Variants in SLC12A1 observed in about 807,000 individuals in gnomAD.
SLC12A1 encodes the protein solute carrier family 12 member 1.
A neutral mutation model predicts 130.4 loss-of-function variants in SLC12A1; 89 were observed. The observed-to-expected ratio is 0.68, with a 90% confidence interval of 0.58 to 0.81. The LOEUF (loss-of-function observed/expected upper bound fraction) is 0.81, where lower values mean the gene tolerates loss of function less well. Ranked by LOEUF, SLC12A1 falls within the 40% of genes least tolerant of loss-of-function variation. The probability of loss-of-function intolerance (pLI) is 0.00; values close to 1 mark genes in which losing one functional copy is unlikely to be tolerated. For missense variants in SLC12A1, 1,310 were observed against 1,336.4 expected, an observed-to-expected ratio of 0.98 and a Z score of 0.31; for synonymous variants, 499 against 460.0, an observed-to-expected ratio of 1.08 and a Z score of -1.09.
At chr15:48,212,088 G>C (rs1321964949) in intron 2 of SLC12A1, among the ~76,000 whole-genome samples, 1 of 152,048 alleles carries the variant, frequency 6.6e-6, no homozygotes, top group Non-Finnish European at 1.5e-5. Flanking sequence ...GTTTCTATAA[G>C]TATAAAGTCT....
At chr15:48,260,345 CTA>C (rs1422333045) in intron 17 of SLC12A1, among the ~76,000 whole-genome samples, 1 of 76,734 alleles carries the variant, frequency 1.3e-5, no homozygotes. Flanking sequence ...CTCTCTCTCT[CTA>C]TCACACACAC....
chr15:48,274,759 C>G (rs2041933283), intron 20 of SLC12A1, 106 bp downstream of exon 20: 3 of 677,040 alleles, frequency 4.4e-6, no homozygotes, highest in Non-Finnish European at 7.6e-6. Context: ...AACTCCTTGA[C>G]AGTGGAGCTT....
intron 2 of SLC12A1, among the ~76,000 whole-genome samples, chr15:48,218,255 T>C (rs1245121275): frequency 1.3e-5 from 2 of 152,214 alleles, no homozygotes; most frequent in East Asian, 3.9e-4. Flanking sequence ...ACAATGACTC[T>C]TATGACTCTG....
At chr15:48,255,217 A>G (rs1023032362) in intron 15 of SLC12A1, among the ~76,000 whole-genome samples, 1 of 152,170 alleles carries the variant, frequency 6.6e-6, no homozygotes, top group African/African-American at 2.4e-5. Context: ...AGATGGGTGG[A>G]TCACAAAGTC....
intron 17 of SLC12A1, among the ~76,000 whole-genome samples, chr15:48,265,625 ATCTC>A (rs2041824213): frequency 6.6e-6 from 1 of 152,190 alleles, no homozygotes. Flanking sequence ...TACCCTGCCA[ATCTC>A]TCTATCTTTT....
At chr15:48,213,967 C>T (rs1200569597) in intron 2 of SLC12A1, among the ~76,000 whole-genome samples, 5 of 152,092 alleles carry the variant, frequency 3.3e-5, no homozygotes, top group South Asian at 4.1e-4. Flanking sequence ...CAAAAATGTA[C>T]GAATGTTTTC....
At chr15:48,216,650 A>G (rs1429192412) in intron 2 of SLC12A1, among the ~76,000 whole-genome samples, 1 of 152,232 alleles carries the variant, frequency 6.6e-6, no homozygotes, top group Non-Finnish European at 1.5e-5. Flanking sequence ...TTGATTAACT[A>G]GAATATTGAC....
At chr15:48,209,527 A>C (rs910975983) in intron 2 of SLC12A1, among the ~76,000 whole-genome samples, 9 of 152,242 alleles carry the variant, frequency 5.9e-5, no homozygotes, top group African/African-American at 2.2e-4. Flanking sequence ...ACATATTCAA[A>C]TGAGTTTACT....
At chr15:48,209,131 G>A (rs1241843297) in intron 2 of SLC12A1, among the ~76,000 whole-genome samples, 5 of 152,090 alleles carry the variant, frequency 3.3e-5, no homozygotes, top group Non-Finnish European at 5.9e-5. Context: ...GTGCGATCTC[G>A]GCTCACCGCA....
intron 24 of SLC12A1, among the ~76,000 whole-genome samples, chr15:48,296,179 G>A (rs999757010): frequency 6.6e-6 from 1 of 152,104 alleles, no homozygotes; most frequent in East Asian, 1.9e-4. Context: ...TTGGTTGCCG[G>A]GTGATACACA....
At chr15:48,255,242 A>G (rs971070030) in intron 15 of SLC12A1, among the ~76,000 whole-genome samples, 5 of 152,162 alleles carry the variant, frequency 3.3e-5, no homozygotes, top group Non-Finnish European at 7.4e-5. Context: ...GTTTGAGACC[A>G]GTCTGGCCAA....
intron 2 of SLC12A1, among the ~76,000 whole-genome samples, chr15:48,208,550 G>T (rs2041010419): frequency 6.6e-6 from 1 of 152,020 alleles, no homozygotes; most frequent in Admixed American, 6.6e-5. Flanking sequence ...TGACTTAAAG[G>T]GATCCTCCCA....
intron 18 of SLC12A1, among the ~76,000 whole-genome samples, chr15:48,268,573 G>C (rs149107176): frequency 2.0e-5 from 3 of 152,138 alleles, no homozygotes; most frequent in Non-Finnish European, 4.4e-5. Flanking sequence ...TAATATTTTG[G>C]AGCTTAAGAG....
intron 18 of SLC12A1, 63 bp downstream of exon 18, chr15:48,267,764 G>C: frequency 5.1e-6 from 8 of 1,567,128 alleles, no homozygotes; most frequent in Non-Finnish European, 7.0e-6. Flanking sequence ...ATGTTAATAA[G>C]GCTCCCAAAG....
intron 4 of SLC12A1, chr15:48,223,795 T>C (rs1222096968): frequency 6.6e-6 from 1 of 152,162 alleles, no homozygotes; most frequent in Middle Eastern, 3.2e-3. Context: ...ATCCCTGCAA[T>C]AGATATGAAG....
Position 48,247,350 on chromosome 15 carries a change from A to T in SLC12A1, c.1574A>T (p.Asp525Val). 6.2e-7 allele frequency: 1 copy of T among 1,613,114 alleles called. No individual in the cohort carries two copies. Among genetic ancestry groups the T allele is most frequent in the Non-Finnish European group, 8.5e-7 (1 of 1,179,688 alleles). The change falls in exon 13 of 27, where the codon GAC (aspartate) becomes GTC (valine). Residue 525 changes from aspartate to valine, a missense_variant. Coordinates refer to ENST00000380993, the MANE Select transcript of SLC12A1 (RefSeq NM_000338.3). ...CTTTTCCATTAGGCTCTGTGCAAGG[A>T]CAACATCTACAAAGCCCTGCAGTTT... ...APKVFQALCK[D>V]NIYKALQFFA... is the part of the protein sequence containing the mutation.
intron 2 of SLC12A1, 92 bp downstream of exon 2, chr15:48,208,231 C>A: frequency 1.6e-6 from 2 of 1,275,036 alleles, no homozygotes; most frequent in Non-Finnish European, 2.2e-6. Flanking sequence ...GAATGTGAAA[C>A]AGTCAAATGG....
intron 16 of SLC12A1, among the ~76,000 whole-genome samples, chr15:48,258,085 G>A: frequency 1.4e-5 from 1 of 70,572 alleles, no homozygotes; most frequent in Non-Finnish European, 2.3e-5. Flanking sequence ...TTTACGGCCG[G>A]GCGCGGTGGC....
intron 24 of SLC12A1, among the ~76,000 whole-genome samples, chr15:48,296,211 T>C (rs897175781): frequency 6.6e-6 from 1 of 152,270 alleles, no homozygotes; most frequent in African/African-American, 2.4e-5. Flanking sequence ...AGTTTGTCAA[T>C]GATTTCCATG....
Sources: gnomAD v4.1 joint callset for allele counts (sites outside exome capture counted in the v4.1 genomes callset) on GRCh38, gnomAD v4.1.1 for gene constraint, MANE v1.5 for transcripts, NCBI Gene and HGNC (gene_info 2026-07-23, HGNC 2026-07-21) for gene names.